RSF1: variants seen among roughly 807,000 people sequenced by gnomAD.
RSF1 encodes the protein remodeling and spacing factor 1.
RSF1 carries 13 observed loss-of-function variants against 145.2 expected under a neutral mutation model. The ratio of observed to expected loss-of-function variants is 0.09; its 90% CI spans 0.06 to 0.14. The LOEUF is 0.14. RSF1 is among the 10% of genes least tolerant of loss of function. The pLI is 1.00. For missense variants in RSF1, 1,517 were observed against 1,718.2 expected (o/e 0.88, Z 2.07); for synonymous variants, 577 against 592.6 (o/e 0.97, Z 0.38).
chr11:77,817,908 C>T (rs1176287479), intron 1 of RSF1, among the ~76,000 whole-genome samples: 1 of 152,090 alleles, frequency 6.6e-6, no homozygotes, highest in African/African-American at 2.4e-5. Context: ...AGAGGTTCAC[C>T]CAACAAGCCA....
At chr11:77,748,334 C>T in intron 2 of RSF1, among the ~76,000 whole-genome samples, 1 of 151,378 alleles carries the variant, frequency 6.6e-6, no homozygotes, top group East Asian at 1.9e-4. Context: ...AGGTGATCCT[C>T]CCACCTCAGC....
At chr11:77,811,421 T>C (rs761390149) in intron 1 of RSF1, among the ~76,000 whole-genome samples, 6 of 152,230 alleles carry the variant, frequency 3.9e-5, no homozygotes, top group Non-Finnish European at 7.3e-5. Flanking sequence ...AGGCAGTAAC[T>C]GCAAAAAGTG....
intron 3 of RSF1, among the ~76,000 whole-genome samples, chr11:77,743,832 C>T (rs1947968516): frequency 6.6e-6 from 1 of 152,102 alleles, no homozygotes; most frequent in Admixed American, 6.5e-5. Flanking sequence ...CTGTTGGGTA[C>T]ATGTAAGCTG....
chr11:77,710,764 G>A (rs1008659492), intron 5 of RSF1, among the ~76,000 whole-genome samples: 5 of 152,114 alleles, frequency 3.3e-5, no homozygotes, highest in African/African-American at 4.8e-5. Context: ...TCATTCATCT[G>A]TGACTAGTTG....
Position 77,740,691 on chromosome 11 carries a change from A to T in RSF1, c.578+40T>A, listed in dbSNP as rs763062153. 4 of 1,553,916 alleles carry T rather than the reference A, an allele frequency of 2.6e-6. No individual in the cohort carries two copies. In the Admixed American group the frequency reaches 6.7e-5, roughly 26 times the overall value. On this transcript the variant is annotated intron_variant, in intron 4 of 15. Transcript: ENST00000308488. The stretch of plus-strand genomic sequence containing the variant: ...GTTTTGAAACGAGATCAATGTACAA[A>T]ACACACAAATAAGTGTAAAAAGGTT...
chr11:77,820,706 C>A lies in RSF1; in HGVS notation c.9G>T (p.Thr3=). The A allele has an allele frequency of 6.5e-7, 1 of 1,549,066 alleles. No homozygotes were observed. Among genetic ancestry groups the A allele is most frequent in the Non-Finnish European group, 8.7e-7 (1 of 1,147,344 alleles). The change falls in exon 1 of 16, where the codon ACG becomes ACT. Residue 3 remains threonine, a synonymous_variant. Coordinates refer to ENST00000308488, the MANE Select transcript of RSF1 (RefSeq NM_016578.4). The part of the protein sequence containing the change: MA[T]AAAAAAVMAP... ...CCATCACCGCCGCCGCTGCCGCCGC[C>A]GTCGCCATTTTGAACTGGAGGATGG... is the stretch of plus-strand genomic sequence containing the variant.
At chr11:77,683,686 TAG>T in intron 11 of RSF1, 22 bp downstream of exon 11, 2 of 1,493,378 alleles carry the variant, frequency 1.3e-6, no homozygotes, top group South Asian at 2.3e-5. Context: ...TCTTTTGCTG[TAG>T]ACATTTCCAT....
intron 4 of RSF1, among the ~76,000 whole-genome samples, chr11:77,727,473 C>CTTTTTTTTT (rs59747840): frequency 8.9e-6 from 1 of 112,246 alleles, no homozygotes; most frequent in South Asian, 2.9e-4. Flanking sequence ...ACTTCCACTA[C>CTTTTTTTTT]TTTTTTTTTT....
chr11:77,733,557 ATTTT>A (rs11353278), intron 4 of RSF1, among the ~76,000 whole-genome samples: 12 of 124,280 alleles, frequency 9.7e-5, no homozygotes, highest in Admixed American at 2.5e-4. Context: ...TACATCTTTG[ATTTT>A]TTTTTTTTTT....
At chr11:77,789,554 C>T (rs770657228) in intron 1 of RSF1, among the ~76,000 whole-genome samples, 3 of 152,176 alleles carry the variant, frequency 2.0e-5, no homozygotes, top group African/African-American at 7.2e-5. Flanking sequence ...CGAGCACCCC[C>T]AGACTGATCA....
At chr11:77,769,636 T>C (rs1248500803) in intron 1 of RSF1, among the ~76,000 whole-genome samples, 2 of 152,350 alleles carry the variant, frequency 1.3e-5, no homozygotes, top group East Asian at 3.9e-4. Flanking sequence ...ACTACATTAC[T>C]GATCCAATTA....
the RSF1 span, among the ~76,000 whole-genome samples, chr11:77,826,630 C>T: frequency 6.6e-6 from 1 of 152,148 alleles, no homozygotes; most frequent in Non-Finnish European, 1.5e-5. Flanking sequence ...CACTGGCTAG[C>T]CAGTCTGTCT....
the RSF1 span, among the ~76,000 whole-genome samples, chr11:77,862,050 G>A: frequency 6.6e-6 from 1 of 152,106 alleles, no homozygotes; most frequent in African/African-American, 2.4e-5. Context: ...GTGTTATAGT[G>A]GACATAATTG....
At chr11:77,690,592 C>G (rs1436327431) in intron 9 of RSF1, among the ~76,000 whole-genome samples, 1 of 152,146 alleles carries the variant, frequency 6.6e-6, no homozygotes, top group Non-Finnish European at 1.5e-5. Context: ...ACACCATGCC[C>G]AGCTGATTTT....
intron 15 of RSF1, among the ~76,000 whole-genome samples, chr11:77,669,385 G>A (rs1228590246): frequency 6.6e-6 from 1 of 152,114 alleles, no homozygotes; most frequent in Non-Finnish European, 1.5e-5. Flanking sequence ...CAAAATGTGG[G>A]ATGGTTTGCT....
intron 1 of RSF1, among the ~76,000 whole-genome samples, chr11:77,774,423 T>C (rs1204836563): frequency 6.6e-6 from 1 of 151,044 alleles, no homozygotes; most frequent in Non-Finnish European, 1.5e-5. Context: ...AATACAAAAA[T>C]TAGCCAGGCA....
rs1176007248 is a variant in RSF1, at chr11:77,748,534, A to AG, written c.280-1407dup. Among the ~76,000 whole-genome samples, 4 of 152,170 alleles carry AG rather than the reference A, an allele frequency of 2.6e-5. No homozygotes were observed. The East Asian group carries it at 7.7e-4, about 29-fold the overall frequency. Reference sequence around the variant, plus strand: ...GCTGACAGTGTTACGTTTTTCAGAGAGAAAAAAAAGGATATACAGAAAAAG... The same window carrying AG: ...GCTGACAGTGTTACGTTTTTCAGAGAGGAAAAAAAAGGATATACAGAAAAAG... On this transcript the variant is annotated intron_variant, in intron 2 of 15. Transcript: ENST00000308488.
At chr11:77,728,667 C>T (rs1961120637) in intron 4 of RSF1, among the ~76,000 whole-genome samples, 1 of 151,692 alleles carries the variant, frequency 6.6e-6, no homozygotes, top group Non-Finnish European at 1.5e-5. Flanking sequence ...AAAGAGGCCA[C>T]ACACAGAAAG....
At chr11:77,861,734 C>T in the RSF1 span, among the ~76,000 whole-genome samples, 1 of 152,204 alleles carries the variant, frequency 6.6e-6, no homozygotes, top group Non-Finnish European at 1.5e-5. Context: ...CCTAGCCTTT[C>T]CGTGTTCCAG....
Sources: allele counts gnomAD v4.1 joint callset (sites outside exome capture counted in the v4.1 genomes callset), GRCh38; gene constraint gnomAD v4.1.1; transcripts MANE v1.5; gene names NCBI Gene and HGNC (gene_info 2026-07-23, HGNC 2026-07-21).